NBEA: variants seen among roughly 807,000 people sequenced by gnomAD.
NBEA encodes the protein neurobeachin, also known as lysosomal-trafficking regulator 2.
Under a neutral mutation model 343.4 loss-of-function variants are expected in NBEA, and 44 were observed. That is an observed-to-expected ratio of 0.13 (90% CI 0.10 to 0.16). The LOEUF (loss-of-function observed/expected upper bound fraction) is 0.16. Ranked by LOEUF, NBEA falls within the 10% of genes least tolerant of loss-of-function variation. The pLI is 1.00. For missense variants in NBEA, 2,555 were observed against 3,631.3 expected (o/e 0.70, Z 7.62); for synonymous variants, 1,175 against 1,238.7 (o/e 0.95, Z 1.08).
intron 35 of NBEA, among the ~76,000 whole-genome samples, chr13:35,302,163 T>C (rs1490314071): frequency 6.6e-6 from 1 of 152,188 alleles, no homozygotes; most frequent in Non-Finnish European, 1.5e-5. Context: ...TGTTCTTACA[T>C]TCCTTAATAT....
intron 39 of NBEA, among the ~76,000 whole-genome samples, chr13:35,432,700 G>A (rs1274143213): frequency 2.7e-5 from 4 of 150,762 alleles, no homozygotes; most frequent in African/African-American, 7.3e-5. Flanking sequence ...TTTCTTTCTC[G>A]GTGTCTTTCA....
chr13:35,515,485 A>G (rs2152989162), intron 41 of NBEA, among the ~76,000 whole-genome samples: 1 of 152,342 alleles, frequency 6.6e-6, no homozygotes, highest in African/African-American at 2.4e-5. Context: ...CTTTGTGTAT[A>G]TATGTATGTG....
chr13:35,422,910 AT>A (rs1348780074), intron 38 of NBEA, among the ~76,000 whole-genome samples: 3 of 152,066 alleles, frequency 2.0e-5, no homozygotes, highest in Non-Finnish European at 2.9e-5. Flanking sequence ...GATGATGAGC[AT>A]TTTTTCATGT....
At chr13:35,461,422 A>G (rs772979217) in intron 40 of NBEA, among the ~76,000 whole-genome samples, 2 of 152,130 alleles carry the variant, frequency 1.3e-5, no homozygotes, top group African/African-American at 2.4e-5. Context: ...CTGTCTACCA[A>G]TCTGGAGAAT....
intron 45 of NBEA, among the ~76,000 whole-genome samples, chr13:35,576,773 A>T (rs1462908079): frequency 6.6e-6 from 1 of 152,216 alleles, no homozygotes; most frequent in Non-Finnish European, 1.5e-5. Context: ...CAAGAAATTT[A>T]TACTGATTTA....
At chr13:35,405,540 T>C (rs1164380578) in intron 38 of NBEA, among the ~76,000 whole-genome samples, 2 of 152,188 alleles carry the variant, frequency 1.3e-5, no homozygotes, top group African/African-American at 4.8e-5. Flanking sequence ...TTAATAATTT[T>C]AATACCAGGC....
At chr13:35,478,221 A>T (rs1256925098) in intron 41 of NBEA, among the ~76,000 whole-genome samples, 3 of 152,192 alleles carry the variant, frequency 2.0e-5, no homozygotes, top group Admixed American at 1.3e-4. Flanking sequence ...TCCTTATCCA[A>T]CAGTGATAGA....
chr13:35,142,506 T>TA (rs970192199), intron 18 of NBEA, 129 bp downstream of exon 18: 2 of 505,996 alleles, frequency 4.0e-6, no homozygotes, highest in Non-Finnish European at 6.8e-6. Context: ...GGTTTAATGG[T>TA]AAAAAATGAA....
In NBEA at chr13:34,942,567, A is replaced by G; in HGVS notation, c.-254A>G. The stretch of plus-strand genomic sequence containing the variant: ...GCAGCGGCACACCTGCTGGGCGGGC[A>G]CAGCCGCTTGCCCGGCAGCGGTTAG... On this transcript the variant is annotated 5_prime_UTR_variant, in exon 1 of 59. Coordinates refer to ENST00000379939, the MANE Select transcript of NBEA (RefSeq NM_001385012.1). 1 of 207,094 alleles carries G rather than the reference A, an allele frequency of 4.8e-6. No homozygotes were observed. The highest frequency in any genetic ancestry group is 9.5e-6 in the Non-Finnish European group (1 of 105,264). The allele number at this position is 207,094 out of a possible 1,614,324, so 12.8% of individuals were successfully genotyped here.
At position 35,000,613 on chromosome 13, in the gene NBEA, C is replaced by CACACAT. The variant is rs1555271794; in HGVS notation, c.295-40320_295-40319insACACAT. 6.2e-3 allele frequency among the ~76,000 whole-genome samples: 928 copies of CACACAT among 150,450 alleles called. 8 individuals are homozygous for CACACAT. Among genetic ancestry groups the CACACAT allele is most frequent in the African/African-American group, 0.022 (888 of 41,084 alleles). ...TATATAACACACACACACACACACA[C>CACACAT]GTTTTAAAAGCATACACAAATGCAG... On this transcript the variant is annotated intron_variant, in intron 1 of 58. Coordinates refer to ENST00000379939, the MANE Select transcript of NBEA (RefSeq NM_001385012.1).
In NBEA at chr13:35,118,299, T is replaced by A. The variant is rs575856927; in HGVS notation, c.2145+9T>A. On this transcript the variant is annotated intron_variant, in intron 15 of 58. Coordinates refer to ENST00000379939, the MANE Select transcript of NBEA (RefSeq NM_001385012.1). The stretch of plus-strand genomic sequence containing the variant: ...TACTTACGATGCATGAGGTAGGACA[T>A]GTTATGGGCCTTTTATTTTAATTAT... 1.3e-6 allele frequency: 2 copies of A among 1,565,254 alleles called. No individual in the cohort carries two copies. Among genetic ancestry groups the A allele is most frequent in the East Asian group, 4.7e-5 (2 of 42,614 alleles).
chr13:35,496,359 G>A lies in NBEA; in HGVS notation c.6585+23823G>A, dbSNP rs149070158. On this transcript the variant is annotated intron_variant, in intron 41 of 58. Transcript: ENST00000379939. ...ATGTAGAAAAGCCAAACAAGGCCAG[G>A]TGTGGGGGCTCACTCATATAATCCC... Among the ~76,000 whole-genome samples the A allele has an allele frequency of 1.0e-3, 152 of 152,028 alleles. 1 individual carries two copies. In the Middle Eastern group the frequency reaches 0.01, roughly 10 times the overall value.
intron 36 of NBEA, among the ~76,000 whole-genome samples, chr13:35,334,305 A>G (rs1404030424): frequency 1.3e-5 from 2 of 152,048 alleles, no homozygotes; most frequent in South Asian, 4.1e-4. Flanking sequence ...AGTCTCACCA[A>G]GTCACCCAGG....
chr13:35,124,345 A>G (rs2066963974), intron 17 of NBEA, among the ~76,000 whole-genome samples: 1 of 151,356 alleles, frequency 6.6e-6, no homozygotes, highest in Non-Finnish European at 1.5e-5. Context: ...AGACATGTCT[A>G]ACAAGCTGTA....
chr13:35,015,567 CAAGT>C (rs1200606546), intron 1 of NBEA, among the ~76,000 whole-genome samples: 4 of 151,434 alleles, frequency 2.6e-5, no homozygotes, highest in African/African-American at 7.3e-5. Flanking sequence ...ATTACTCTAA[CAAGT>C]AAGATAATAT....
At chr13:35,621,501 C>T (rs1486883908) in intron 48 of NBEA, among the ~76,000 whole-genome samples, 1 of 152,178 alleles carries the variant, frequency 6.6e-6, no homozygotes. Flanking sequence ...GCACTTGTCA[C>T]CTGCTGACAC....
chr13:35,345,417 T>C (rs1333007696), intron 36 of NBEA, among the ~76,000 whole-genome samples: 2 of 151,906 alleles, frequency 1.3e-5, no homozygotes, highest in African/African-American at 4.8e-5. Context: ...CAGAGTGGTT[T>C]ATTTATTTAT....
At chr13:35,422,783 A>G (rs1188340501) in intron 38 of NBEA, among the ~76,000 whole-genome samples, 1 of 152,110 alleles carries the variant, frequency 6.6e-6, no homozygotes, top group Non-Finnish European at 1.5e-5. Flanking sequence ...AAGTGTTCCT[A>G]TTTCTCCACA....
At chr13:35,347,197 A>G (rs2039927643) in intron 36 of NBEA, among the ~76,000 whole-genome samples, 1 of 152,138 alleles carries the variant, frequency 6.6e-6, no homozygotes, top group Admixed American at 6.6e-5. Flanking sequence ...ACAGGTAGAC[A>G]TGATATAGTG....
Sources: gnomAD v4.1 joint callset for allele counts (sites outside exome capture counted in the v4.1 genomes callset) on GRCh38, gnomAD v4.1.1 for gene constraint, MANE v1.5 for transcripts, NCBI Gene and HGNC (gene_info 2026-07-23, HGNC 2026-07-21) for gene names.